SNTG1: variants seen among roughly 807,000 people sequenced by gnomAD.
SNTG1 encodes the protein syntrophin gamma 1.
SNTG1 carries 39 observed loss-of-function variants against 74.7 expected under a neutral mutation model. The ratio of observed to expected loss-of-function variants is 0.52; its 90% CI spans 0.40 to 0.68. SNTG1 has a LOEUF of 0.68. SNTG1 is among the 30% of genes least tolerant of loss of function. SNTG1 has a pLI of 0.00. For synonymous variants in SNTG1, 254 were observed against 217.1 expected (o/e 1.17, Z -1.49); for missense variants, 685 against 609.5 (o/e 1.12, Z -1.30).
intron 12 of SNTG1, among the ~76,000 whole-genome samples, chr8:50,581,350 T>C (rs1470767283): frequency 1.3e-5 from 2 of 152,190 alleles, no homozygotes; most frequent in South Asian, 4.1e-4. Flanking sequence ...ATAAATTCTA[T>C]GGTCATGTTT....
intron 2 of SNTG1, among the ~76,000 whole-genome samples, chr8:50,386,361 G>T (rs1396214210): frequency 3.3e-5 from 5 of 151,994 alleles, no homozygotes; most frequent in South Asian, 4.1e-4. Flanking sequence ...GAAAGATATG[G>T]TTTTTTCCCT....
At chr8:50,091,117 T>G (rs914081844) in intron 1 of SNTG1, among the ~76,000 whole-genome samples, 25 of 152,080 alleles carry the variant, frequency 1.6e-4, no homozygotes, top group Non-Finnish European at 4.4e-5. Context: ...TAAAAATATA[T>G]TTTTTCTTAA....
intron 1 of SNTG1, among the ~76,000 whole-genome samples, chr8:49,965,907 T>A (rs948365396): frequency 6.6e-6 from 1 of 152,208 alleles, no homozygotes; most frequent in Non-Finnish European, 1.5e-5. Context: ...TCAGTCTATA[T>A]GGAAATTAAA....
intron 17 of SNTG1, among the ~76,000 whole-genome samples, chr8:50,735,043 T>C (rs187209025): frequency 1.3e-4 from 20 of 150,598 alleles, no homozygotes; most frequent in African/African-American, 4.8e-4. Flanking sequence ...AATTTTACAA[T>C]TCAGTGGCTT....
intron 1 of SNTG1, among the ~76,000 whole-genome samples, chr8:50,006,258 G>C (rs1238331848): frequency 1.3e-5 from 2 of 152,074 alleles, no homozygotes; most frequent in African/African-American, 4.8e-5. Flanking sequence ...ACCGTGCCCG[G>C]CCTAGTAGCA....
chr8:50,689,257 G>C (rs963465835), intron 15 of SNTG1, among the ~76,000 whole-genome samples: 66 of 152,216 alleles, frequency 4.3e-4, no homozygotes, highest in African/African-American at 1.6e-3. Context: ...TCTCCTGCCT[G>C]ATTGCCCTGG....
intron 2 of SNTG1, among the ~76,000 whole-genome samples, chr8:50,358,885 C>T (rs148726131): frequency 3.9e-5 from 6 of 152,100 alleles, no homozygotes; most frequent in Admixed American, 2.0e-4. Flanking sequence ...TTGAAATTGT[C>T]ATTTCTTATT....
chr8:50,368,559 C>T (rs1485373137), intron 2 of SNTG1, among the ~76,000 whole-genome samples: 1 of 152,114 alleles, frequency 6.6e-6, no homozygotes, highest in African/African-American at 2.4e-5. Context: ...GCCATATCAG[C>T]AGAAGCCAGG....
At chr8:50,156,139 C>T (rs909519953) in intron 1 of SNTG1, among the ~76,000 whole-genome samples, 4 of 152,064 alleles carry the variant, frequency 2.6e-5, no homozygotes, top group Non-Finnish European at 4.4e-5. Context: ...TCATCCTTTG[C>T]CCCTATACAC....
chr8:50,030,767 T>C (rs1817676748), intron 1 of SNTG1, among the ~76,000 whole-genome samples: 1 of 152,024 alleles, frequency 6.6e-6, no homozygotes, highest in Non-Finnish European at 1.5e-5. Flanking sequence ...TTTAATTGAA[T>C]GAAATGTTTT....
At chr8:50,674,706 A>G (rs6999211) in intron 15 of SNTG1, among the ~76,000 whole-genome samples, 51,759 of 151,718 alleles carry the variant, frequency 0.34, 11,162 homozygotes, top group African/African-American at 0.61. Flanking sequence ...TCTTCTGCTA[A>G]CTATTGAATT....
At chr8:50,729,154 T>A (rs2095506965) in intron 17 of SNTG1, among the ~76,000 whole-genome samples, 1 of 152,214 alleles carries the variant, frequency 6.6e-6, no homozygotes, top group South Asian at 2.1e-4. Context: ...GATGGACACC[T>A]GGGCTGCCAG....
chr8:50,603,006 G>T (rs2094786458), intron 13 of SNTG1, among the ~76,000 whole-genome samples: 1 of 149,934 alleles, frequency 6.7e-6, no homozygotes, highest in Non-Finnish European at 1.5e-5. Context: ...TTCTTTAGAT[G>T]AAGTCCACTT....
At chr8:50,625,764 C>G (rs1163356373) in intron 13 of SNTG1, among the ~76,000 whole-genome samples, 1 of 152,174 alleles carries the variant, frequency 6.6e-6, no homozygotes, top group South Asian at 2.1e-4. Context: ...AACTTTGTAG[C>G]AAGGCAGTTT....
At chr8:49,970,794 T>C (rs1477682910) in intron 1 of SNTG1, among the ~76,000 whole-genome samples, 2 of 152,206 alleles carry the variant, frequency 1.3e-5, no homozygotes, top group Non-Finnish European at 2.9e-5. Context: ...TTGGCAGCTC[T>C]GGTTAGGGAA....
intron 2 of SNTG1, among the ~76,000 whole-genome samples, chr8:50,326,442 C>A (rs1002301427): frequency 6.6e-6 from 1 of 151,914 alleles, no homozygotes; most frequent in Non-Finnish European, 1.5e-5. Flanking sequence ...AAGAAATCAG[C>A]CCGTTTCACC....
chr8:50,450,855 T>C, intron 8 of SNTG1, 126 bp downstream of exon 8: 5 of 926,750 alleles, frequency 5.4e-6, no homozygotes, highest in Non-Finnish European at 8.0e-6. Flanking sequence ...TATCAAATTT[T>C]CAAATGTTCT....
At chr8:50,349,381 T>A (rs2091577923) in intron 2 of SNTG1, among the ~76,000 whole-genome samples, 1 of 152,154 alleles carries the variant, frequency 6.6e-6, no homozygotes, top group Non-Finnish European at 1.5e-5. Context: ...TTTCTTTTTT[T>A]AATTATACTT....
chr8:50,618,128 A>C (rs1232165071), intron 13 of SNTG1, among the ~76,000 whole-genome samples: 1 of 152,224 alleles, frequency 6.6e-6, no homozygotes, highest in African/African-American at 2.4e-5. Flanking sequence ...TAAACTACTT[A>C]TAATTTTGTG....
Sources: gnomAD v4.1 joint callset for allele counts (sites outside exome capture counted in the v4.1 genomes callset) on GRCh38, gnomAD v4.1.1 for gene constraint, MANE v1.5 for transcripts, NCBI Gene and HGNC (gene_info 2026-07-23, HGNC 2026-07-21) for gene names.